CNOT11: variants seen among roughly 807,000 people sequenced by gnomAD.
CNOT11 encodes the protein CCR4-NOT transcription complex subunit 11.
A neutral mutation model predicts 44.6 loss-of-function variants in CNOT11; 18 were observed. The ratio of observed to expected loss-of-function variants is 0.40; its 90% CI spans 0.28 to 0.60. The LOEUF (loss-of-function observed/expected upper bound fraction) is 0.60, where lower values mean the gene tolerates loss of function less well. Among genes scored for constraint, CNOT11 ranks in the 20% least tolerant of loss-of-function variants. The pLI is 0.38. For synonymous variants in CNOT11, 291 were observed against 270.9 expected (o/e 1.07, Z -0.73); for missense variants, 513 against 677.0 (o/e 0.76, Z 2.69).
Position 101,253,123 on chromosome 2 carries a change from C to T in CNOT11, c.159C>T (p.Gly53=), listed in dbSNP as rs995326481. The T allele has an allele frequency of 2.6e-6, 4 of 1,537,948 alleles. No individual in the cohort carries two copies. The highest frequency in any genetic ancestry group is 2.0e-5 in the Admixed American group (1 of 49,686). ...GASGPGSGSG[G]PGGPAGRMSL... ...GCGGCCCCGGGTCCGGGAGCGGAGG[C>T]CCGGGGGGCCCCGCGGGCAGGATGA... Residue 53 remains glycine, a synonymous_variant, in exon 1 of 7, where the codon GGC becomes GGT. Transcript: ENST00000289382. This position sits in a 1 kb window ranked among gnomAD's most constrained non-coding sequence, Gnocchi z 4.3.
Position 101,269,474 on chromosome 2 carries a change from A to G in CNOT11, c.*61A>G. Reference sequence around the variant, plus strand: ...AGCTGTACTGTGATTTAGTTTTTACACCGTTAAAACCCTGAGTGGATTGCT... The same window carrying G: ...AGCTGTACTGTGATTTAGTTTTTACGCCGTTAAAACCCTGAGTGGATTGCT... On this transcript the variant is annotated 3_prime_UTR_variant, in exon 7 of 7. Coordinates refer to ENST00000289382, the MANE Select transcript of CNOT11 (RefSeq NM_017546.5). The surrounding 1 kb of genome is among the most constrained non-coding windows in gnomAD (Gnocchi z 4.8). The G allele has an allele frequency of 1.4e-6, 2 of 1,420,694 alleles. No homozygotes were observed. Among genetic ancestry groups the G allele is most frequent in the South Asian group, 1.2e-5 (1 of 85,312 alleles). 88.0% of individuals were successfully genotyped at this position (1,420,694 alleles called of 1,614,324 possible).
At chr2:101,259,346 G>A (rs1681800784) in intron 2 of CNOT11, among the ~76,000 whole-genome samples, 1 of 152,128 alleles carries the variant, frequency 6.6e-6, no homozygotes, top group African/African-American at 2.4e-5. Context: ...TTCTCGTTCA[G>A]GATTGTTCTG....
intron 5 of CNOT11, among the ~76,000 whole-genome samples, chr2:101,268,162 C>G (rs1232104210): frequency 1.3e-5 from 2 of 151,968 alleles, no homozygotes; most frequent in Non-Finnish European, 2.9e-5. Context: ...CTGGCAAAAC[C>G]GGCTAGCTGC....
intron 4 of CNOT11, among the ~76,000 whole-genome samples, chr2:101,266,106 A>G (rs931678781): frequency 6.6e-6 from 1 of 152,212 alleles, no homozygotes; most frequent in African/African-American, 2.4e-5. Context: ...TCATAGAAAA[A>G]GTCCTTTGAG....
At chr2:101,266,982 AT>A in intron 5 of CNOT11, 103 bp downstream of exon 5, 1 of 781,032 alleles carries the variant, frequency 1.3e-6, no homozygotes, top group East Asian at 2.6e-5. Context: ...TTGGCGTAAG[AT>A]TAACTATTAA....
intron 1 of CNOT11, among the ~76,000 whole-genome samples, chr2:101,256,727 C>T (rs562529251): frequency 6.6e-6 from 1 of 152,320 alleles, no homozygotes; most frequent in Non-Finnish European, 1.5e-5. Flanking sequence ...AAGCTTTAGC[C>T]TTTGCAGGAA....
intron 2 of CNOT11, among the ~76,000 whole-genome samples, chr2:101,261,056 T>C (rs1681851779): frequency 6.6e-6 from 1 of 152,196 alleles, no homozygotes; most frequent in Non-Finnish European, 1.5e-5. Flanking sequence ...ATCAGGAATT[T>C]AGCCCCGTGT....
intron 5 of CNOT11, among the ~76,000 whole-genome samples, chr2:101,267,552 A>C (rs1188639404): frequency 2.0e-5 from 3 of 152,156 alleles, no homozygotes; most frequent in African/African-American, 7.2e-5. Flanking sequence ...TGAGAATCCT[A>C]GGAATGCTGT....
chr2:101,264,754 AT>A, intron 3 of CNOT11, 90 bp from the exon 4 acceptor site: 1 of 1,011,510 alleles, frequency 9.9e-7, no homozygotes, highest in Non-Finnish European at 1.5e-6. Context: ...TTATTAAGAG[AT>A]TTCTTTGCAT....
At chr2:101,259,519 T>G (rs184208899) in intron 2 of CNOT11, among the ~76,000 whole-genome samples, 38 of 152,346 alleles carry the variant, frequency 2.5e-4, no homozygotes, top group African/African-American at 8.4e-4. Flanking sequence ...GCTGTCAGCA[T>G]TCATTTTCTC....
intron 2 of CNOT11, among the ~76,000 whole-genome samples, chr2:101,258,364 C>G (rs1681778069): frequency 6.6e-6 from 1 of 151,414 alleles, no homozygotes; most frequent in Non-Finnish European, 1.5e-5. Context: ...AACCACTGCA[C>G]TCCAGCCTGG....
At chr2:101,255,298 A>G (rs1393052901) in intron 1 of CNOT11, among the ~76,000 whole-genome samples, 1 of 151,778 alleles carries the variant, frequency 6.6e-6, no homozygotes, top group African/African-American at 2.4e-5. Context: ...GATCGAGACC[A>G]TCTTGGCTAA....
At chr2:101,261,998 C>T (rs1034947325) in intron 2 of CNOT11, among the ~76,000 whole-genome samples, 2 of 151,968 alleles carry the variant, frequency 1.3e-5, no homozygotes, top group Admixed American at 6.6e-5. Flanking sequence ...AGGCACCTGC[C>T]ACCATGCCCG....
At position 101,253,379 on chromosome 2, in the gene CNOT11, C is replaced by T. The variant is rs1307019991; in HGVS notation, c.415C>T (p.Pro139Ser). 1 of 1,593,284 alleles carries T rather than the reference C, an allele frequency of 6.3e-7. No homozygotes were observed. Among genetic ancestry groups the T allele is most frequent in the South Asian group, 1.1e-5 (1 of 90,204 alleles). Residue 139 changes from proline to serine, a missense_variant, in exon 1 of 7, where the codon CCG becomes TCG. This residue lies in a region of CNOT11 where 259 missense variants were observed against 265.7 expected (regional missense o/e 0.97). Transcript: ENST00000289382. The surrounding 1 kb of genome is among the most constrained non-coding windows in gnomAD (Gnocchi z 4.3). ...GCTCTGGGAGATGTACCGCACCGAG[C>T]CGCTGGCCGCCAACCCCTTCGCCGC... ...YLLWEMYRTE[P>S]LAANPFAASF...
Position 101,252,914 on chromosome 2 carries a change from G to A in CNOT11, c.-51G>A. ...CTTTACGGCCGCGGGGACGGAGCGA[G>A]CCGGCGCCAGGGCCCCTCGGGCCGG... On this transcript the variant is annotated 5_prime_UTR_variant, in exon 1 of 7. Coordinates refer to ENST00000289382, the MANE Select transcript of CNOT11 (RefSeq NM_017546.5). 7.2e-7 allele frequency: 1 copy of A among 1,385,424 alleles called. No homozygotes were observed. The highest frequency in any genetic ancestry group is 9.3e-7 in the Non-Finnish European group (1 of 1,078,438). 85.8% of individuals were successfully genotyped at this position (1,385,424 alleles called of 1,614,324 possible). A position where few individuals can be genotyped will look rare whatever the true frequency, so the allele number is the denominator to read the frequency against.
Position 101,253,434 on chromosome 2 carries a change from C to A in CNOT11, c.470C>A (p.Pro157Gln), listed in dbSNP as rs767177487. The A allele has an allele frequency of 1.3e-6, 2 of 1,533,946 alleles. No homozygotes were observed. The highest frequency in any genetic ancestry group is 1.2e-5 in the South Asian group (1 of 81,924). The part of the protein sequence containing the change: ...ASFAHLLNPA[P>Q]PARGGQEPDR... ...TTCGCGCACCTGCTCAACCCCGCGC[C>A]GCCCGCCCGCGGCGGCCAGGAACCC... The change falls in exon 1 of 7, where the codon CCG becomes CAG. Residue 157 changes from proline to glutamine, a missense_variant. Around this residue, in one of 4 missense-constraint regions of CNOT11, gnomAD observed 259 missense variants for 265.7 expected, o/e 0.97. Transcript: ENST00000289382. The surrounding 1 kb of genome is among the most constrained non-coding windows in gnomAD (Gnocchi z 4.3).
chr2:101,252,953 G>A lies in CNOT11; in HGVS notation c.-12G>A, dbSNP rs746319077. 2.1e-6 allele frequency: 3 copies of A among 1,453,882 alleles called. No individual in the cohort carries two copies. Among genetic ancestry groups the A allele is most frequent in the South Asian group, 2.7e-5 (2 of 73,082 alleles). 90.1% of individuals were successfully genotyped at this position (1,453,882 alleles called of 1,614,324 possible). On this transcript the variant is annotated 5_prime_UTR_variant, in exon 1 of 7. Transcript: ENST00000289382. Reference sequence around the variant, plus strand: ...CCCTCGGGCCGGGAAGAGGGGAAGGGGAGCGAGGTTGATGCCCGGCGGAGG... The same window carrying A: ...CCCTCGGGCCGGGAAGAGGGGAAGGAGAGCGAGGTTGATGCCCGGCGGAGG...
chr2:101,253,182 G>C lies in CNOT11; in HGVS notation c.218G>C (p.Ser73Thr), dbSNP rs752569837. 5.0e-6 allele frequency: 8 copies of C among 1,603,242 alleles called. No individual in the cohort carries two copies. The highest frequency in any genetic ancestry group is 6.8e-6 in the Non-Finnish European group (8 of 1,176,284). Residue 73 changes from serine (S) to threonine (T), a missense_variant, in exon 1 of 7, where the codon AGC becomes ACC. Transcript: ENST00000289382. The surrounding 1 kb of genome is among the most constrained non-coding windows in gnomAD (Gnocchi z 4.3). ...CCGAAGGAGCTCTCGAGCCTGCTGAGCATCATATCGGAGGAGGCGGGCGGC... is the reference window on the plus strand; with the variant it reads ...CCGAAGGAGCTCTCGAGCCTGCTGACCATCATATCGGAGGAGGCGGGCGGC... Reference protein sequence around the residue: ...LTPKELSSLLSIISEEAGGGS... With the variant: ...LTPKELSSLLTIISEEAGGGS...
chr2:101,265,434 T>G (rs1418186302), intron 4 of CNOT11, among the ~76,000 whole-genome samples: 2 of 150,172 alleles, frequency 1.3e-5, no homozygotes, highest in Non-Finnish European at 3.0e-5. Context: ...CAAGAGTTTA[T>G]TTTTTTTTTG....
Sources: allele counts gnomAD v4.1 joint callset (sites outside exome capture counted in the v4.1 genomes callset), GRCh38; gene constraint gnomAD v4.1.1; regional missense constraint gnomAD v4.1.1; non-coding constraint Gnocchi (gnomAD v3.1); transcripts MANE v1.5; gene names NCBI Gene and HGNC (gene_info 2026-07-23, HGNC 2026-07-21).